Variants in PARD3B observed in about 807,000 individuals in gnomAD.
PARD3B encodes the protein par-3 family cell polarity regulator beta, also known as partitioning defective 3 homolog B.
In PARD3B, 103 loss-of-function variants were observed where a neutral mutation model predicts 130.2. That is an observed-to-expected ratio of 0.79 (90% CI 0.67 to 0.93). The LOEUF (loss-of-function observed/expected upper bound fraction) is 0.93, where lower values mean the gene tolerates loss of function less well. Among genes scored for constraint, PARD3B ranks in the 40% least tolerant of loss-of-function variants. The probability of loss-of-function intolerance (pLI) is 0.00; values close to 1 mark genes in which losing one functional copy is unlikely to be tolerated. For synonymous variants in PARD3B, 583 were observed against 553.2 expected, an observed-to-expected ratio of 1.05 and a Z score of -0.76; for missense variants, 1,609 against 1,499.2, an observed-to-expected ratio of 1.07 and a Z score of -1.21.
chr2:204,752,833 A>G (rs769200763), intron 2 of PARD3B, among the ~76,000 whole-genome samples: 3 of 152,148 alleles, frequency 2.0e-5, no homozygotes, highest in Admixed American at 2.0e-4. Context: ...TAGTTGTAGC[A>G]TGGATTCTTT....
chr2:204,843,454 A>G (rs1031957233), intron 2 of PARD3B, among the ~76,000 whole-genome samples: 4 of 151,188 alleles, frequency 2.6e-5, no homozygotes, highest in African/African-American at 9.7e-5. Flanking sequence ...CAGTGGCGTG[A>G]TCTTGGTTGA....
intron 19 of PARD3B, among the ~76,000 whole-genome samples, chr2:205,430,173 T>C (rs1189336484): frequency 1.3e-5 from 2 of 152,318 alleles, no homozygotes; most frequent in East Asian, 3.9e-4. Context: ...GTGAGGGGCC[T>C]GCAGAACTCA....
At chr2:205,483,777 A>T (rs1459048132) in intron 20 of PARD3B, among the ~76,000 whole-genome samples, 1 of 152,120 alleles carries the variant, frequency 6.6e-6, no homozygotes, top group Non-Finnish European at 1.5e-5. Context: ...GAAATAACAT[A>T]GTGATTCAAT....
intron 2 of PARD3B, among the ~76,000 whole-genome samples, chr2:204,698,071 A>G (rs894400227): frequency 6.6e-6 from 1 of 152,094 alleles, no homozygotes; most frequent in Non-Finnish European, 1.5e-5. Context: ...GTCAGAGCCA[A>G]TGGGTTGAGT....
intron 6 of PARD3B, among the ~76,000 whole-genome samples, chr2:205,118,562 T>C (rs1463526979): frequency 6.6e-6 from 1 of 152,222 alleles, no homozygotes; most frequent in African/African-American, 2.4e-5. Flanking sequence ...AACATCACGT[T>C]GCCACGTTGG....
chr2:205,581,257 T>TAG (rs143823405), intron 22 of PARD3B, among the ~76,000 whole-genome samples: 7 of 120,928 alleles, frequency 5.8e-5, no homozygotes, highest in Admixed American at 8.0e-5. Flanking sequence ...TATAGATATA[T>TAG]ATAGATATAG....
intron 2 of PARD3B, among the ~76,000 whole-genome samples, chr2:204,817,091 A>T (rs2043175313): frequency 6.6e-6 from 1 of 152,058 alleles, no homozygotes; most frequent in Admixed American, 6.6e-5. Context: ...TTTATATATT[A>T]CATATCTATA....
At chr2:205,226,394 C>A (rs188528217) in intron 15 of PARD3B, among the ~76,000 whole-genome samples, 1 of 152,302 alleles carries the variant, frequency 6.6e-6, no homozygotes, top group Admixed American at 6.5e-5. Context: ...CAGTTGGTTG[C>A]TTGTACTTGT....
intron 10 of PARD3B, among the ~76,000 whole-genome samples, chr2:205,145,650 C>T (rs2033297483): frequency 6.6e-6 from 1 of 152,102 alleles, no homozygotes; most frequent in Non-Finnish European, 1.5e-5. Flanking sequence ...AGCCCATTCT[C>T]CCCCATGTTC....
In PARD3B at chr2:205,158,443, C is replaced by A. The variant is rs566176476; in HGVS notation, c.1435-279C>A. ...ATCTTAGTAAATTTCCAAAGGCTTG[C>A]GAGGTGTTTCAGATTGCATCGCTCT... On this transcript the variant is annotated intron_variant, in intron 10 of 22. Coordinates refer to ENST00000406610, the MANE Select transcript of PARD3B (RefSeq NM_001302769.2). This position sits in a 1 kb window ranked among gnomAD's most constrained non-coding sequence, Gnocchi z 5.4. Among the ~76,000 whole-genome samples, 10 of 152,098 alleles carry A rather than the reference C, an allele frequency of 6.6e-5. No individual in the cohort carries two copies. Among genetic ancestry groups the A allele is most frequent in the Admixed American group, 1.3e-4 (2 of 15,274 alleles).
rs2041605454 is a variant in PARD3B, at chr2:205,291,485, T to G, written c.2186-9045T>G. Among the ~76,000 whole-genome samples the G allele has an allele frequency of 6.6e-6, 1 of 152,228 alleles. No homozygotes were observed. The highest frequency in any genetic ancestry group is 1.5e-5 in the Non-Finnish European group (1 of 68,040). On this transcript the variant is annotated intron_variant, in intron 16 of 22. Transcript: ENST00000406610. The surrounding 1 kb of genome is among the most constrained non-coding windows in gnomAD (Gnocchi z 4.6). ...CTCGATATAAAGTAGCAAAGAACTT[T>G]GCTGAAGTGTGTTGTTCTGGTGTAT...
chr2:205,524,792 C>T (rs1464403446), intron 21 of PARD3B, among the ~76,000 whole-genome samples: 1 of 152,186 alleles, frequency 6.6e-6, no homozygotes, highest in East Asian at 1.9e-4. Context: ...GCCTCCTCTG[C>T]CTGCTCCCCA....
intron 1 of PARD3B, among the ~76,000 whole-genome samples, chr2:204,618,701 A>T (rs923722550): frequency 2.6e-5 from 4 of 152,224 alleles, no homozygotes; most frequent in African/African-American, 9.6e-5. Context: ...TAAGGCAGCC[A>T]GAGTTGCTAG....
At chr2:204,614,466 A>G (rs746030718) in intron 1 of PARD3B, among the ~76,000 whole-genome samples, 3 of 152,150 alleles carry the variant, frequency 2.0e-5, no homozygotes, top group Non-Finnish European at 4.4e-5. Context: ...TATGTGAGTT[A>G]TATCTACTAA....
At chr2:205,264,867 T>C (rs973217698) in intron 16 of PARD3B, among the ~76,000 whole-genome samples, 4 of 151,182 alleles carry the variant, frequency 2.6e-5, no homozygotes, top group African/African-American at 7.3e-5. Context: ...ATACTTTTTT[T>C]TACACACATA....
At chr2:204,711,750 G>C (rs773756336) in intron 2 of PARD3B, among the ~76,000 whole-genome samples, 28 of 152,062 alleles carry the variant, frequency 1.8e-4, no homozygotes, top group Non-Finnish European at 4.1e-4. Flanking sequence ...GTTTCGCCAT[G>C]TTGACCAGGC....
chr2:204,864,797 A>C (rs1023517407), intron 2 of PARD3B, among the ~76,000 whole-genome samples: 3 of 151,978 alleles, frequency 2.0e-5, no homozygotes, highest in Admixed American at 1.3e-4. Flanking sequence ...CTTTACAGAA[A>C]CTCACATGTG....
At chr2:205,608,899 C>T (rs2055120688) in intron 22 of PARD3B, among the ~76,000 whole-genome samples, 1 of 152,176 alleles carries the variant, frequency 6.6e-6, no homozygotes, top group Non-Finnish European at 1.5e-5. Flanking sequence ...CCTTCATTTT[C>T]TGTACAAACA....
intron 2 of PARD3B, among the ~76,000 whole-genome samples, chr2:204,795,730 G>C (rs142986614): frequency 2.0e-5 from 3 of 152,240 alleles, no homozygotes; most frequent in African/African-American, 4.8e-5. Context: ...CTCGTATTGA[G>C]ACAATTATAG....
Sources: gnomAD v4.1 joint callset for allele counts (sites outside exome capture counted in the v4.1 genomes callset) on GRCh38, gnomAD v4.1.1 for gene constraint, Gnocchi (gnomAD v3.1) non-coding constraint, MANE v1.5 for transcripts, NCBI Gene and HGNC (gene_info 2026-07-23, HGNC 2026-07-21) for gene names.